SPMIP2: variants seen among roughly 807,000 people sequenced by gnomAD.
The protein encoded by SPMIP2 is sperm microtubule inner protein 2.
the SPMIP2 span, among the ~76,000 whole-genome samples, chr4:158,911,347 C>CAAATAAATAAATAAATAAATAAATAAAT: frequency 7.1e-5 from 10 of 141,292 alleles, no homozygotes; most frequent in Admixed American, 1.4e-4. Context: ...GACTCCGTCT[C>CAAATAAATAAATAAATAAATAAATAAAT]AAATAAATAA....
the SPMIP2 span, among the ~76,000 whole-genome samples, chr4:159,025,353 C>T: frequency 3.3e-5 from 5 of 152,096 alleles, no homozygotes; most frequent in African/African-American, 9.7e-5. Context: ...TTAGCAGAGA[C>T]GAGGTTTCAC....
chr4:158,921,181 G>A, the SPMIP2 span, among the ~76,000 whole-genome samples: 1 of 152,202 alleles, frequency 6.6e-6, no homozygotes, highest in African/African-American at 2.4e-5. Context: ...GCTCAAGCCT[G>A]TAATCCCAGC....
At chr4:159,079,476 T>C in the SPMIP2 span, among the ~76,000 whole-genome samples, 1,403 of 152,300 alleles carry the variant, frequency 9.2e-3, 25 homozygotes, top group African/African-American at 0.032. Flanking sequence ...TAAATTTCTG[T>C]TTTTTATAAG....
the SPMIP2 span, among the ~76,000 whole-genome samples, chr4:159,052,696 C>T: frequency 1.3e-5 from 2 of 150,704 alleles, no homozygotes; most frequent in South Asian, 4.2e-4. Flanking sequence ...TGCAATGGTG[C>T]GATCTCGGCT....
the SPMIP2 span, among the ~76,000 whole-genome samples, chr4:158,917,917 C>T: frequency 6.6e-6 from 1 of 151,894 alleles, no homozygotes; most frequent in African/African-American, 2.4e-5. Context: ...CAGGGTTTCA[C>T]CATGTTACCC....
chr4:158,914,263 AC>A, the SPMIP2 span, among the ~76,000 whole-genome samples: 1 of 152,158 alleles, frequency 6.6e-6, no homozygotes, highest in Admixed American at 6.6e-5. Context: ...TAGATGTCGA[AC>A]TGTTCCCTTT....
the SPMIP2 span, among the ~76,000 whole-genome samples, chr4:158,995,287 T>C: frequency 6.6e-6 from 1 of 152,172 alleles, no homozygotes; most frequent in Non-Finnish European, 1.5e-5. Context: ...GGGGCAGTGG[T>C]TACTAATTAA....
At chr4:159,065,521 C>T in the SPMIP2 span, among the ~76,000 whole-genome samples, 2 of 152,096 alleles carry the variant, frequency 1.3e-5, no homozygotes, top group Non-Finnish European at 2.9e-5. Flanking sequence ...AGTTTGAGAC[C>T]AGCCTGGGCA....
the SPMIP2 span, among the ~76,000 whole-genome samples, chr4:159,069,968 G>A: frequency 6.6e-6 from 1 of 151,958 alleles, no homozygotes; most frequent in Admixed American, 6.6e-5. Context: ...AACTAAGCAT[G>A]TAATATTTTA....
the SPMIP2 span, chr4:158,906,397 A>G: frequency 6.6e-6 from 1 of 152,164 alleles, no homozygotes; most frequent in South Asian, 2.1e-4. Flanking sequence ...ACCACCTTCC[A>G]GGGTTTCATA....
chr4:159,025,309 C>T, the SPMIP2 span, among the ~76,000 whole-genome samples: 8 of 152,236 alleles, frequency 5.3e-5, no homozygotes, highest in South Asian at 2.1e-4. Flanking sequence ...GGATTACAGA[C>T]GTGAACCACC....
chr4:158,924,011 G>T, the SPMIP2 span, among the ~76,000 whole-genome samples: 1 of 152,214 alleles, frequency 6.6e-6, no homozygotes, highest in Non-Finnish European at 1.5e-5. Context: ...CAATAGGACA[G>T]GTGTCCTTAT....
At chr4:158,967,530 C>A in the SPMIP2 span, among the ~76,000 whole-genome samples, 1 of 152,174 alleles carries the variant, frequency 6.6e-6, no homozygotes, top group Non-Finnish European at 1.5e-5. Flanking sequence ...AAAGACATGC[C>A]TAATTTTAGA....
chr4:158,935,321 C>G, the SPMIP2 span, among the ~76,000 whole-genome samples: 1 of 152,188 alleles, frequency 6.6e-6, no homozygotes, highest in Admixed American at 6.5e-5. Flanking sequence ...GTTACCTCTC[C>G]TACAAAGCAT....
chr4:158,910,229 A>G, the SPMIP2 span, among the ~76,000 whole-genome samples: 2 of 151,746 alleles, frequency 1.3e-5, no homozygotes, highest in Admixed American at 6.6e-5. Flanking sequence ...TAGTAATCAG[A>G]TATTTAGTCA....
the SPMIP2 span, among the ~76,000 whole-genome samples, chr4:158,955,364 G>T: frequency 6.6e-6 from 1 of 152,122 alleles, no homozygotes; most frequent in Non-Finnish European, 1.5e-5. Flanking sequence ...ATCTTTATCA[G>T]TCTTTAAGAT....
At chr4:159,082,449 C>CTGTGTGTG in the SPMIP2 span, among the ~76,000 whole-genome samples, 23,354 of 110,478 alleles carry the variant, frequency 0.21, 2,244 homozygotes, top group East Asian at 0.32. Flanking sequence ...CCACTTTTCT[C>CTGTGTGTG]TGTGTGTGTG....
At chr4:158,977,677 C>A in the SPMIP2 span, among the ~76,000 whole-genome samples, 17 of 135,818 alleles carry the variant, frequency 1.3e-4, no homozygotes, top group African/African-American at 4.6e-4. Context: ...AGCAGTGGCA[C>A]AATCTCGGCT....
At chr4:158,970,756 A>G in the SPMIP2 span, among the ~76,000 whole-genome samples, 1 of 152,110 alleles carries the variant, frequency 6.6e-6, no homozygotes. Context: ...AAGGAGCTTT[A>G]AGGTATTGTT....
Sources: allele counts gnomAD v4.1 joint callset (sites outside exome capture counted in the v4.1 genomes callset), GRCh38; gene constraint gnomAD v4.1.1; transcripts MANE v1.5; gene names NCBI Gene and HGNC (gene_info 2026-07-23, HGNC 2026-07-21).